The following ALMS1 variants were observed in gnomAD, a reference collection of about 807,000 sequenced individuals.
The protein encoded by ALMS1 is centrosome-associated protein ALMS1.
A neutral mutation model predicts 352.2 loss-of-function variants in ALMS1; 271 were observed. The ratio of observed to expected loss-of-function variants is 0.77; its 90% CI spans 0.70 to 0.85. ALMS1 has a LOEUF of 0.85. ALMS1 is among the 40% of genes least tolerant of loss of function. ALMS1 has a pLI of 0.00. For synonymous variants in ALMS1, 1,865 were observed against 1,761.2 expected (o/e 1.06, Z -1.48); for missense variants, 5,445 against 4,870.7 (o/e 1.12, Z -3.51).
At chr2:73,464,288 A>G (rs1672276224) in intron 9 of ALMS1, among the ~76,000 whole-genome samples, 1 of 152,256 alleles carries the variant, frequency 6.6e-6, no homozygotes, top group Non-Finnish European at 1.5e-5. Flanking sequence ...AGGCTGGTTC[A>G]ACATATGCAA....
intron 16 of ALMS1, among the ~76,000 whole-genome samples, chr2:73,598,608 C>T (rs1675603406): frequency 6.6e-6 from 1 of 152,138 alleles, no homozygotes. Context: ...TTTACCTCCA[C>T]CAGACCTGCC....
chr2:73,386,105 G>T lies in ALMS1; in HGVS notation c.237G>T (p.Trp79Cys). ...DDEEDEEAKA[W>C]LQAHPGRILP... The stretch of plus-strand genomic sequence containing the variant: ...AGGAGGACGAGGAGGCCAAGGCCTG[G>T]CTGCAGGCGCACCCCGGCAGGATTT... The change falls in exon 1 of 23, where the codon TGG (tryptophan) becomes TGT (cysteine). Residue 79 changes from tryptophan to cysteine, a missense_variant. Physicochemically the swap from Trp to Cys is radical, Grantham distance 215. Transcript: ENST00000613296. The T allele has an allele frequency of 6.3e-7, 1 of 1,590,398 alleles. No individual in the cohort carries two copies. Among genetic ancestry groups the T allele is most frequent in the East Asian group, 2.3e-5 (1 of 43,476 alleles).
At chr2:73,460,317 T>C in intron 9 of ALMS1, among the ~76,000 whole-genome samples, 1 of 152,362 alleles carries the variant, frequency 6.6e-6, no homozygotes, top group South Asian at 2.1e-4. Context: ...TATATTAGGA[T>C]GATACCTTCA....
Position 73,385,844 on chromosome 2 carries a change from C to T in ALMS1, c.-25C>T. On this transcript the variant is annotated 5_prime_UTR_variant, in exon 1 of 23. Coordinates refer to ENST00000613296, the MANE Select transcript of ALMS1 (RefSeq NM_001378454.1). ...TCCCTCCCCCCCTCCTCCTCCTCCT[C>T]TGCCGCCCAGAGCGAGACACCAACA... is the stretch of plus-strand genomic sequence containing the variant. 1 of 710,728 alleles carries T rather than the reference C, an allele frequency of 1.4e-6. No individual in the cohort carries two copies. Among genetic ancestry groups the T allele is most frequent in the Non-Finnish European group, 2.5e-6 (1 of 394,910 alleles). The allele number at this position is 710,728 out of a possible 1,614,324, so 44.0% of individuals were successfully genotyped here.
At chr2:73,608,644 G>A (rs1225875486) in intron 22 of ALMS1, 70 bp downstream of exon 22, 11 of 1,239,406 alleles carry the variant, frequency 8.9e-6, no homozygotes, top group South Asian at 5.0e-5. Flanking sequence ...GAGAAAACAC[G>A]TTGCCTGTTG....
At chr2:73,391,872 G>A (rs1045040687) in intron 1 of ALMS1, among the ~76,000 whole-genome samples, 1 of 152,114 alleles carries the variant, frequency 6.6e-6, no homozygotes, top group African/African-American at 2.4e-5. Flanking sequence ...ATGTTTGAAA[G>A]ATATCACCAT....
chr2:73,388,275 T>A (rs1670578198), intron 1 of ALMS1, among the ~76,000 whole-genome samples: 1 of 152,150 alleles, frequency 6.6e-6, no homozygotes, highest in African/African-American at 2.4e-5. Flanking sequence ...TTAAACAAAA[T>A]TTTAATTTAA....
intron 7 of ALMS1, among the ~76,000 whole-genome samples, chr2:73,439,729 C>G (rs1671678507): frequency 6.6e-6 from 1 of 151,886 alleles, no homozygotes; most frequent in Non-Finnish European, 1.5e-5. Flanking sequence ...TTAGTGGAGA[C>G]AGGGTGTCAC....
intron 9 of ALMS1, among the ~76,000 whole-genome samples, chr2:73,478,650 T>G (rs1672630423): frequency 2.3e-5 from 3 of 127,904 alleles, no homozygotes; most frequent in Non-Finnish European, 5.1e-5. Flanking sequence ...ATTTAGTAAT[T>G]TATTCGTTTA....
chr2:73,426,742 G>A (rs530613070), intron 6 of ALMS1, among the ~76,000 whole-genome samples, 189 bp downstream of exon 6: 82 of 152,298 alleles, frequency 5.4e-4, no homozygotes, highest in Non-Finnish European at 9.4e-4. Flanking sequence ...ATGCATGACA[G>A]CTCCCTGCAC....
rs746505266 is a variant in ALMS1 at position 73,504,229 on chromosome 2, C to G, written c.9539+12731C>G. ...TGGCACAATACAGTCAAGTGGACTA[C>G]AGACGCTAATCAGATTTCACAAGTT... On this transcript the variant is annotated intron_variant, in intron 10 of 22. Coordinates refer to ENST00000613296, the MANE Select transcript of ALMS1 (RefSeq NM_001378454.1). Among the ~76,000 whole-genome samples, 47 of 152,152 alleles carry G rather than the reference C, an allele frequency of 3.1e-4. 1 individual carries two copies. Among genetic ancestry groups the G allele is most frequent in the Non-Finnish European group, 6.2e-4 (42 of 68,014 alleles).
At chr2:73,479,808 G>C (rs1006014054) in intron 9 of ALMS1, among the ~76,000 whole-genome samples, 4 of 152,084 alleles carry the variant, frequency 2.6e-5, no homozygotes, top group Non-Finnish European at 4.4e-5. Context: ...CCTTTTTCCA[G>C]GGTGGTTATA....
chr2:73,435,513 CTT>C (rs1184420178), intron 7 of ALMS1, among the ~76,000 whole-genome samples: 1 of 148,522 alleles, frequency 6.7e-6, no homozygotes, highest in African/African-American at 2.4e-5. Context: ...GGTACAGAAA[CTT>C]TACTCCCGTA....
intron 9 of ALMS1, among the ~76,000 whole-genome samples, chr2:73,463,611 C>A (rs1672257341): frequency 1.6e-5 from 2 of 125,242 alleles, no homozygotes; most frequent in Admixed American, 1.8e-4. Context: ...CAGAGCAGAA[C>A]TGAAGGAAAT....
intron 16 of ALMS1, among the ~76,000 whole-genome samples, chr2:73,581,352 G>A (rs1387227749): frequency 1.3e-5 from 2 of 152,178 alleles, no homozygotes; most frequent in Admixed American, 1.3e-4. Context: ...CTAATACTCA[G>A]ACATGTCAAA....
chr2:73,504,934 T>C (rs1269422169), intron 10 of ALMS1, among the ~76,000 whole-genome samples: 1 of 152,150 alleles, frequency 6.6e-6, no homozygotes, highest in Non-Finnish European at 1.5e-5. Context: ...CCTGTGCCCA[T>C]ATATTCTCAA....
chr2:73,575,844 A>C (rs1055039741), intron 16 of ALMS1, among the ~76,000 whole-genome samples: 17 of 123,168 alleles, frequency 1.4e-4, no homozygotes, highest in Non-Finnish European at 2.0e-4. Flanking sequence ...ATGTAGTCCA[A>C]TTTAGCTATT....
intron 10 of ALMS1, among the ~76,000 whole-genome samples, chr2:73,495,086 G>A (rs1002468691): frequency 2.0e-5 from 3 of 151,878 alleles, no homozygotes; most frequent in Admixed American, 6.6e-5. Flanking sequence ...TCATTATTTG[G>A]ATTATAATCC....
chr2:73,539,671 A>G (rs1287424025), intron 12 of ALMS1, among the ~76,000 whole-genome samples: 1 of 152,220 alleles, frequency 6.6e-6, no homozygotes, highest in Non-Finnish European at 1.5e-5. Context: ...AATGCAGAGA[A>G]GTCCTTAAAG....
Sources: allele counts gnomAD v4.1 joint callset (sites outside exome capture counted in the v4.1 genomes callset), GRCh38; gene constraint gnomAD v4.1.1; transcripts MANE v1.5; gene names NCBI Gene and HGNC (gene_info 2026-07-23, HGNC 2026-07-21).